PLCL1: variants seen among roughly 807,000 people sequenced by gnomAD.
The protein encoded by PLCL1 is inactive phospholipase C-like protein 1.
A neutral mutation model predicts 84.4 loss-of-function variants in PLCL1; 41 were observed. The observed-to-expected ratio is 0.49, with a 90% CI of 0.38 to 0.63. PLCL1 has a LOEUF of 0.63. Ranked by LOEUF, PLCL1 falls within the 30% of genes least tolerant of loss-of-function variation. The probability of loss-of-function intolerance (pLI) is 0.00; values close to 1 mark genes in which losing one functional copy is unlikely to be tolerated. For synonymous variants in PLCL1, 490 were observed against 488.3 expected, an observed-to-expected ratio of 1.00 and a Z score of -0.05; for missense variants, 1,206 against 1,367.8, an observed-to-expected ratio of 0.88 and a Z score of 1.87.
chr2:198,019,835 C>T (rs1337792807), intron 1 of PLCL1, among the ~76,000 whole-genome samples: 1 of 152,158 alleles, frequency 6.6e-6, no homozygotes, highest in Non-Finnish European at 1.5e-5. Context: ...TCCAGGAGAA[C>T]TTCCCCAACT....
In PLCL1 at chr2:197,905,042, T is replaced by G. The variant is rs145797006; in HGVS notation, c.240+99703T>G. ...CTGATAAAGCATTTTGTTGTCTTCTTGCACAAATGCTTCATTTTTTTTCTC... is the reference window on the plus strand; with the variant it reads ...CTGATAAAGCATTTTGTTGTCTTCTGGCACAAATGCTTCATTTTTTTTCTC... On this transcript the variant is annotated intron_variant, in intron 1 of 5. Coordinates refer to ENST00000428675, the MANE Select transcript of PLCL1 (RefSeq NM_006226.4). Among the ~76,000 whole-genome samples the G allele has an allele frequency of 9.5e-4, 144 of 152,320 alleles. 1 individual carries two copies. The highest frequency in any genetic ancestry group is 3.2e-3 in the African/African-American group (135 of 41,582).
chr2:198,131,723 A>C (rs1446221458), intron 5 of PLCL1, among the ~76,000 whole-genome samples: 1 of 152,168 alleles, frequency 6.6e-6, no homozygotes, highest in Non-Finnish European at 1.5e-5. Context: ...TAGCCAGGAC[A>C]TGGTTTAAAC....
At chr2:197,989,470 GT>G (rs933101797) in intron 1 of PLCL1, among the ~76,000 whole-genome samples, 2 of 152,190 alleles carry the variant, frequency 1.3e-5, no homozygotes, top group African/African-American at 2.4e-5. Context: ...AATGGTAGAA[GT>G]TTGTTTAGGG....
chr2:197,991,038 T>C (rs1690336120), intron 1 of PLCL1, among the ~76,000 whole-genome samples: 1 of 152,146 alleles, frequency 6.6e-6, no homozygotes, highest in South Asian at 2.1e-4. Context: ...GATTAAACAT[T>C]GTTTCTGAGT....
At chr2:197,921,999 CTTT>C (rs34033380) in intron 1 of PLCL1, among the ~76,000 whole-genome samples, 2 of 121,688 alleles carry the variant, frequency 1.6e-5, no homozygotes, top group Non-Finnish European at 1.7e-5. Context: ...TTGATAAATT[CTTT>C]TTTTTTTTTT....
chr2:197,997,853 A>C (rs1690503687), intron 1 of PLCL1, among the ~76,000 whole-genome samples: 1 of 152,190 alleles, frequency 6.6e-6, no homozygotes, highest in Non-Finnish European at 1.5e-5. Flanking sequence ...GCCTCCCAAA[A>C]AGTTCCCTGA....
At chr2:197,937,928 A>G (rs993149360) in intron 1 of PLCL1, among the ~76,000 whole-genome samples, 2 of 152,164 alleles carry the variant, frequency 1.3e-5, no homozygotes, top group Non-Finnish European at 2.9e-5. Flanking sequence ...TTAAGGTGGT[A>G]TTAGTGTGGC....
At chr2:197,818,428 G>C (rs1405714362) in intron 1 of PLCL1, among the ~76,000 whole-genome samples, 1 of 152,016 alleles carries the variant, frequency 6.6e-6, no homozygotes. Flanking sequence ...TGGGGCGGGG[G>C]GTGTTTGTGG....
intron 1 of PLCL1, among the ~76,000 whole-genome samples, chr2:197,965,938 C>T (rs746969306): frequency 6.6e-5 from 10 of 152,050 alleles, no homozygotes; most frequent in Non-Finnish European, 1.5e-4. Flanking sequence ...GCATGTACTA[C>T]CTGGCTACCA....
rs141118683 is a variant in PLCL1, at chr2:197,890,284, T to A, written c.240+84945T>A. Among the ~76,000 whole-genome samples, 89 of 152,320 alleles carry A rather than the reference T, an allele frequency of 5.8e-4. 4 individuals are homozygous for A. In the South Asian group the frequency reaches 0.014, roughly 24 times the overall value. On this transcript the variant is annotated intron_variant, in intron 1 of 5. Transcript: ENST00000428675. Reference sequence around the variant, plus strand: ...TTATGAGATAAGATATTTAAGGCTATTTAAATATTCGTATGAATCCCAGAC... The same window carrying A: ...TTATGAGATAAGATATTTAAGGCTAATTAAATATTCGTATGAATCCCAGAC...
intron 1 of PLCL1, among the ~76,000 whole-genome samples, chr2:197,892,667 T>C (rs1235296460): frequency 2.0e-5 from 3 of 152,188 alleles, no homozygotes; most frequent in East Asian, 3.8e-4. Context: ...ATCTAATGAG[T>C]ATTTATGTAA....
chr2:198,114,903 T>C (rs1693706359), intron 5 of PLCL1, among the ~76,000 whole-genome samples: 2 of 151,802 alleles, frequency 1.3e-5, no homozygotes, highest in South Asian at 2.1e-4. Flanking sequence ...TGAATTTAGA[T>C]AGAGAATCTG....
intron 1 of PLCL1, among the ~76,000 whole-genome samples, chr2:197,807,840 A>G (rs1440166397): frequency 6.6e-6 from 1 of 152,224 alleles, no homozygotes; most frequent in Non-Finnish European, 1.5e-5. Context: ...TGAATCATCA[A>G]ATATTAAATT....
At chr2:198,115,442 A>G (rs183916645) in intron 5 of PLCL1, among the ~76,000 whole-genome samples, 1 of 151,958 alleles carries the variant, frequency 6.6e-6, no homozygotes, top group Admixed American at 6.6e-5. Flanking sequence ...GGTTCTTTGC[A>G]GTAAGTAAGG....
intron 5 of PLCL1, among the ~76,000 whole-genome samples, chr2:198,129,995 ATT>A (rs968176510): frequency 6.6e-6 from 1 of 151,388 alleles, no homozygotes; most frequent in African/African-American, 2.4e-5. Flanking sequence ...CCTACTTTTT[ATT>A]TTTTTTAATT....
chr2:197,838,192 T>C (rs1691228234), intron 1 of PLCL1, among the ~76,000 whole-genome samples: 1 of 152,254 alleles, frequency 6.6e-6, no homozygotes, highest in Non-Finnish European at 1.5e-5. Context: ...TTTCTAGTGA[T>C]GCTAGCTAAT....
intron 1 of PLCL1, among the ~76,000 whole-genome samples, chr2:198,055,634 A>G (rs1484385627): frequency 6.6e-6 from 1 of 151,636 alleles, no homozygotes; most frequent in East Asian, 2.0e-4. Flanking sequence ...CCTTGGAATG[A>G]TGTTTACATT....
chr2:198,059,856 G>A (rs773602515), intron 1 of PLCL1, among the ~76,000 whole-genome samples: 1 of 152,176 alleles, frequency 6.6e-6, no homozygotes, highest in Non-Finnish European at 1.5e-5. Context: ...GAATTCCGTC[G>A]ATGCACGGGG....
chr2:198,135,106 T>G (rs1370988750), intron 5 of PLCL1, among the ~76,000 whole-genome samples: 2 of 152,180 alleles, frequency 1.3e-5, no homozygotes, highest in Non-Finnish European at 2.9e-5. Context: ...CTCAAGCTGT[T>G]ATAAATGATA....
Sources: gnomAD v4.1 joint callset for allele counts (sites outside exome capture counted in the v4.1 genomes callset) on GRCh38, gnomAD v4.1.1 for gene constraint, MANE v1.5 for transcripts, NCBI Gene and HGNC (gene_info 2026-07-23, HGNC 2026-07-21) for gene names.